The following WDFY3 variants were observed in gnomAD, a reference collection of about 807,000 sequenced individuals.
WDFY3 encodes WD repeat and FYVE domain containing 3.
A neutral mutation model predicts 409.6 loss-of-function variants in WDFY3; 66 were observed. The observed-to-expected ratio is 0.16, with a 90% CI of 0.13 to 0.20. The LOEUF is 0.20. Ranked by LOEUF, WDFY3 falls within the 10% of genes least tolerant of loss-of-function variation. The pLI is 1.00. For synonymous variants in WDFY3, 1,521 were observed against 1,537.1 expected (o/e 0.99, Z 0.25); for missense variants, 3,031 against 4,298.1 (o/e 0.71, Z 8.24).
chr4:84,905,627 C>T (rs1766943043), intron 2 of WDFY3, among the ~76,000 whole-genome samples: 2 of 152,198 alleles, frequency 1.3e-5, no homozygotes, highest in South Asian at 4.1e-4. Flanking sequence ...AGACAAAGTG[C>T]TTTGGGGGCT....
At chr4:84,867,681 CAAGTAAA>C (rs1761580340) in intron 3 of WDFY3, among the ~76,000 whole-genome samples, 1 of 152,128 alleles carries the variant, frequency 6.6e-6, no homozygotes, top group Admixed American at 6.5e-5. Context: ...GGGTATAGAT[CAAGTAAA>C]TAGGCTAAAT....
chr4:84,850,333 G>GC (rs1355202789), intron 4 of WDFY3, among the ~76,000 whole-genome samples: 1 of 148,966 alleles, frequency 6.7e-6, no homozygotes, highest in African/African-American at 2.5e-5. Flanking sequence ...CTTTTTTTTT[G>GC]GGGGGGACAG....
chr4:84,734,053 C>T (rs992038377), intron 43 of WDFY3, among the ~76,000 whole-genome samples: 5 of 152,166 alleles, frequency 3.3e-5, no homozygotes, highest in African/African-American at 1.2e-4. Flanking sequence ...TGCCAACAGG[C>T]TTGATTACTG....
At chr4:84,805,929 G>T (rs1560806847) in intron 15 of WDFY3, among the ~76,000 whole-genome samples, 1 of 152,124 alleles carries the variant, frequency 6.6e-6, no homozygotes, top group Non-Finnish European at 1.5e-5. Flanking sequence ...AAGGTTTTGA[G>T]TTTTAGTTTT....
chr4:84,774,019 C>A lies in WDFY3; in HGVS notation c.4754+801G>T, dbSNP rs539811572. Among the ~76,000 whole-genome samples, 4 of 152,266 alleles carry A rather than the reference C, an allele frequency of 2.6e-5. No individual in the cohort carries two copies. The East Asian group carries it at 7.7e-4, about 29-fold the overall frequency. On this transcript the variant is annotated intron_variant, in intron 29 of 67. Transcript: ENST00000295888. ...ATAGGCGTGAGCCACTGCACCCGGC[C>A]CCCCAGGTTTAAAAATATGTTTTGA...
chr4:84,797,920 C>T, intron 18 of WDFY3, 76 bp downstream of exon 18: 7 of 1,350,408 alleles, frequency 5.2e-6, no homozygotes, highest in Non-Finnish European at 7.2e-6. Context: ...CTTTCACAAA[C>T]TTCTTGAAAT....
intron 60 of WDFY3, 108 bp downstream of exon 60, chr4:84,691,523 A>C: frequency 1.8e-5 from 21 of 1,181,244 alleles, no homozygotes; most frequent in Middle Eastern, 2.0e-4. Context: ...CTTTGGAGGA[A>C]CAGCTGACAA....
intron 3 of WDFY3, among the ~76,000 whole-genome samples, chr4:84,861,129 T>G (rs1760567056): frequency 6.6e-6 from 1 of 152,148 alleles, no homozygotes; most frequent in Non-Finnish European, 1.5e-5. Context: ...GAAGATAACT[T>G]GAGCCTGAGA....
At chr4:84,807,922 AAACC>A (rs1357137731) in intron 15 of WDFY3, among the ~76,000 whole-genome samples, 1 of 152,140 alleles carries the variant, frequency 6.6e-6, no homozygotes, top group Non-Finnish European at 1.5e-5. Context: ...ATAACAGTAA[AAACC>A]AACAAATGAT....
At chr4:84,857,069 A>C (rs1233404553) in intron 4 of WDFY3, among the ~76,000 whole-genome samples, 1 of 152,112 alleles carries the variant, frequency 6.6e-6, no homozygotes, top group Non-Finnish European at 1.5e-5. Flanking sequence ...TACAGATATA[A>C]CTTTCTATCT....
At chr4:84,911,961 A>G (rs1205421700) in intron 2 of WDFY3, among the ~76,000 whole-genome samples, 1 of 152,200 alleles carries the variant, frequency 6.6e-6, no homozygotes, top group Non-Finnish European at 1.5e-5. Flanking sequence ...CTTCGTAGCC[A>G]TCTCTTGTCG....
At chr4:84,683,800 G>C in intron 63 of WDFY3, 143 bp downstream of exon 63, 2 of 758,574 alleles carry the variant, frequency 2.6e-6, no homozygotes, top group Non-Finnish European at 4.0e-6. Context: ...TGATAACGCA[G>C]AGGCCAAGGC....
At chr4:84,781,850 C>T (rs1746579371) in intron 25 of WDFY3, among the ~76,000 whole-genome samples, 1 of 151,954 alleles carries the variant, frequency 6.6e-6, no homozygotes, top group Non-Finnish European at 1.5e-5. Context: ...AAATTTTTAC[C>T]AATGCTGTAT....
In WDFY3 at chr4:84,801,870, A is replaced by G. The variant is rs770234244; in HGVS notation, c.2608-6T>C. On this transcript the variant is annotated splice_polypyrimidine_tract_variant and splice_region_variant and intron_variant, in intron 16 of 67. Coordinates refer to ENST00000295888, the MANE Select transcript of WDFY3 (RefSeq NM_014991.6). ...AGTTGAAGATCCAAAGCATGCTAAA[A>G]TCAACAAAGAAATCCACACAGTCAG... is the stretch of plus-strand genomic sequence containing the variant. 1.2e-6 allele frequency: 2 copies of G among 1,612,182 alleles called. No individual in the cohort carries two copies. The highest frequency in any genetic ancestry group is 1.7e-6 in the Non-Finnish European group (2 of 1,178,386).
intron 2 of WDFY3, among the ~76,000 whole-genome samples, chr4:84,924,682 A>C (rs1769742242): frequency 6.6e-6 from 1 of 152,184 alleles, no homozygotes; most frequent in Non-Finnish European, 1.5e-5. Context: ...TCTTTCACCT[A>C]CACATTGTTG....
chr4:84,767,747 T>C (rs1308326749), intron 30 of WDFY3, among the ~76,000 whole-genome samples: 3 of 152,096 alleles, frequency 2.0e-5, no homozygotes, highest in Non-Finnish European at 2.9e-5. Flanking sequence ...AAGCCTGAAC[T>C]CTCTTCAACT....
At chr4:84,751,862 CTTCCT>C in intron 35 of WDFY3, 146 bp from the exon 36 acceptor site, 3 of 829,328 alleles carry the variant, frequency 3.6e-6, no homozygotes, top group South Asian at 3.4e-5. Context: ...TTACTCGACC[CTTCCT>C]TTCAAGGTAG....
intron 43 of WDFY3, among the ~76,000 whole-genome samples, chr4:84,734,399 C>G (rs1457934315): frequency 6.6e-6 from 1 of 152,068 alleles, no homozygotes; most frequent in African/African-American, 2.4e-5. Context: ...AATTATCTAT[C>G]ACAGTAGTAC....
intron 11 of WDFY3, 106 bp downstream of exon 11, chr4:84,820,977 AT>A (rs1753970743): frequency 1.3e-5 from 14 of 1,118,028 alleles, no homozygotes; most frequent in Non-Finnish European, 1.6e-5. Context: ...AATAATGCAC[AT>A]TAGGAAGTCA....
Sources: gnomAD v4.1 joint callset for allele counts (sites outside exome capture counted in the v4.1 genomes callset) on GRCh38, gnomAD v4.1.1 for gene constraint, MANE v1.5 for transcripts, NCBI Gene and HGNC (gene_info 2026-07-23, HGNC 2026-07-21) for gene names.